The following B3GALT1 variants were observed in gnomAD, a reference collection of about 807,000 sequenced individuals.
B3GALT1 encodes the protein UDP-Gal:betaGlcNAc beta 1,3-galactosyltransferase, polypeptide 1.
Under a neutral mutation model 23.2 loss-of-function variants are expected in B3GALT1, and 10 were observed. The observed-to-expected ratio is 0.43, with a 90% CI of 0.27 to 0.73. The LOEUF is 0.73. Ranked by LOEUF, B3GALT1 falls within the 30% of genes least tolerant of loss-of-function variation. The pLI, the probability that B3GALT1 is intolerant of heterozygous loss-of-function variation, is 0.21. For missense variants in B3GALT1, 299 were observed against 405.4 expected, an observed-to-expected ratio of 0.74 and a Z score of 2.25; for synonymous variants, 156 against 141.5, an observed-to-expected ratio of 1.10 and a Z score of -0.73.
At chr2:167,736,005 C>A (rs975734852) in intron 3 of B3GALT1, among the ~76,000 whole-genome samples, 10 of 152,188 alleles carry the variant, frequency 6.6e-5, no homozygotes, top group African/African-American at 1.9e-4. Context: ...TGCAGAAATT[C>A]TCTGAAGCAA....
chr2:167,561,047 T>C (rs1347863150), intron 2 of B3GALT1, among the ~76,000 whole-genome samples: 3 of 152,036 alleles, frequency 2.0e-5, no homozygotes, highest in Admixed American at 2.0e-4. Flanking sequence ...ATTGACCACA[T>C]AGTTGGAAGT....
intron 1 of B3GALT1, among the ~76,000 whole-genome samples, chr2:167,409,547 G>A (rs2105294366): frequency 6.6e-6 from 1 of 151,774 alleles, no homozygotes; most frequent in South Asian, 2.1e-4. Flanking sequence ...TGATTTGGCT[G>A]TTGATACTTG....
intron 4 of B3GALT1, among the ~76,000 whole-genome samples, chr2:167,866,055 C>T (rs1407768014): frequency 6.6e-6 from 1 of 152,120 alleles, no homozygotes; most frequent in Admixed American, 6.6e-5. Context: ...CATTTTATGC[C>T]CTTGCATATG....
In B3GALT1 at chr2:167,810,813, C is replaced by T. The variant is rs991452122; in HGVS notation, c.-351-7859C>T. ...TGCCCCAAGTTGTCAATTGTTATCTCGGCAGAAAAATAGTTGCTTTTCCTC... is the reference window on the plus strand; with the variant it reads ...TGCCCCAAGTTGTCAATTGTTATCTTGGCAGAAAAATAGTTGCTTTTCCTC... On this transcript the variant is annotated intron_variant, in intron 3 of 4. Coordinates refer to ENST00000392690, the MANE Select transcript of B3GALT1 (RefSeq NM_020981.4). 3.3e-5 allele frequency among the ~76,000 whole-genome samples: 5 copies of T among 152,122 alleles called. 1 individual carries two copies. Among genetic ancestry groups the T allele is most frequent in the African/African-American group, 9.7e-5 (4 of 41,406 alleles).
intron 1 of B3GALT1, among the ~76,000 whole-genome samples, chr2:167,362,281 T>G (rs138997438): frequency 1.3e-5 from 2 of 152,206 alleles, no homozygotes; most frequent in Non-Finnish European, 2.9e-5. Flanking sequence ...TACATCAAAA[T>G]ATAAATGGAA....
intron 2 of B3GALT1, among the ~76,000 whole-genome samples, chr2:167,585,087 C>T (rs1281554045): frequency 6.6e-6 from 1 of 152,106 alleles, no homozygotes; most frequent in Non-Finnish European, 1.5e-5. Context: ...CCAGGGGCCT[C>T]CAGCCACCAG....
At chr2:167,433,197 T>G (rs1383403320) in intron 1 of B3GALT1, among the ~76,000 whole-genome samples, 1 of 152,166 alleles carries the variant, frequency 6.6e-6, no homozygotes, top group Non-Finnish European at 1.5e-5. Flanking sequence ...TATGTAGCCC[T>G]TTTAGGTTGG....
intron 1 of B3GALT1, among the ~76,000 whole-genome samples, chr2:167,325,131 A>G (rs145907204): frequency 2.0e-5 from 3 of 152,280 alleles, no homozygotes; most frequent in East Asian, 3.9e-4. Flanking sequence ...GGTTGATTCT[A>G]TATCATTGAG....
At chr2:167,719,792 T>C (rs1687203190) in intron 3 of B3GALT1, among the ~76,000 whole-genome samples, 1 of 151,706 alleles carries the variant, frequency 6.6e-6, no homozygotes, top group South Asian at 2.1e-4. Flanking sequence ...ATTAGCCAGG[T>C]ATGGTGGCAC....
chr2:167,861,931 A>G (rs895802999), intron 4 of B3GALT1, among the ~76,000 whole-genome samples: 2 of 152,190 alleles, frequency 1.3e-5, no homozygotes, highest in African/African-American at 4.8e-5. Context: ...TTAGAAATGC[A>G]AAGGAAATAA....
chr2:167,840,041 A>C (rs1303012039), intron 4 of B3GALT1, among the ~76,000 whole-genome samples: 1 of 152,258 alleles, frequency 6.6e-6, no homozygotes, highest in African/African-American at 2.4e-5. Flanking sequence ...AGATGGATTA[A>C]AGACTTCAAT....
chr2:167,871,174 C>T lies in B3GALT1; in HGVS notation c.*1154C>T, dbSNP rs1690339599. ...TTCGGGTCCCGTTGATGCCACCATA[C>T]TTATTGGGCCATATGAGTAGGCATC... On this transcript the variant is annotated 3_prime_UTR_variant, in exon 5 of 5. Transcript: ENST00000392690. 1.3e-5 allele frequency: 2 copies of T among 152,132 alleles called. No homozygotes were observed. Among genetic ancestry groups the T allele is most frequent in the Non-Finnish European group, 2.9e-5 (2 of 68,036 alleles). The allele number at this position is 152,132 out of a possible 1,614,324, so 9.4% of individuals were successfully genotyped here.
At chr2:167,570,840 T>C (rs1365709583) in intron 2 of B3GALT1, among the ~76,000 whole-genome samples, 1 of 151,944 alleles carries the variant, frequency 6.6e-6, no homozygotes, top group Non-Finnish European at 1.5e-5. Context: ...ATCTTCTTTT[T>C]GGAGCCTCTC....
chr2:167,639,450 T>C (rs994370180), intron 2 of B3GALT1, among the ~76,000 whole-genome samples: 2 of 152,014 alleles, frequency 1.3e-5, no homozygotes, highest in African/African-American at 4.8e-5. Context: ...GCAAAGATTC[T>C]TCAGTCCAAG....
intron 2 of B3GALT1, among the ~76,000 whole-genome samples, chr2:167,544,621 C>T (rs74271067): frequency 0.11 from 17,222 of 152,062 alleles, 1,343 homozygotes; most frequent in East Asian, 0.44. Context: ...CAGATAACAG[C>T]GTTAACCACA....
intron 4 of B3GALT1, among the ~76,000 whole-genome samples, chr2:167,822,618 G>A (rs191094734): frequency 6.6e-6 from 1 of 152,220 alleles, no homozygotes; most frequent in East Asian, 1.9e-4. Flanking sequence ...CAAGGCACAG[G>A]CATACATTTC....
chr2:167,405,280 ATAAT>A (rs1187547126), intron 1 of B3GALT1, among the ~76,000 whole-genome samples: 1 of 152,174 alleles, frequency 6.6e-6, no homozygotes, highest in African/African-American at 2.4e-5. Flanking sequence ...GTAGTAGTAA[ATAAT>A]TACTATCATT....
At chr2:167,561,829 A>T (rs1008192925) in intron 2 of B3GALT1, among the ~76,000 whole-genome samples, 11 of 152,338 alleles carry the variant, frequency 7.2e-5, no homozygotes, top group African/African-American at 2.6e-4. Flanking sequence ...TTACCAACCA[A>T]GAAGAGTCCA....
chr2:167,338,048 A>C (rs1054290713), intron 1 of B3GALT1, among the ~76,000 whole-genome samples: 1 of 152,194 alleles, frequency 6.6e-6, no homozygotes, highest in Non-Finnish European at 1.5e-5. Context: ...GAAACACTGA[A>C]TATTATAGAT....
Sources: gnomAD v4.1 joint callset for allele counts (sites outside exome capture counted in the v4.1 genomes callset) on GRCh38, gnomAD v4.1.1 for gene constraint, MANE v1.5 for transcripts, NCBI Gene and HGNC (gene_info 2026-07-23, HGNC 2026-07-21) for gene names.